Variants in GANAB observed in about 807,000 individuals in gnomAD.
The protein encoded by GANAB is glucosidase II alpha subunit.
In GANAB, 35 loss-of-function variants were observed where a neutral mutation model predicts 129.9. The ratio of observed to expected loss-of-function variants is 0.27; its 90% CI spans 0.21 to 0.36. GANAB has a LOEUF of 0.36. Among genes scored for constraint, GANAB ranks in the 10% least tolerant of loss-of-function variants. The pLI is 1.00. For missense variants in GANAB, 939 were observed against 1,221.0 expected, an observed-to-expected ratio of 0.77 and a Z score of 3.44; for synonymous variants, 482 against 451.8, an observed-to-expected ratio of 1.07 and a Z score of -0.85.
chr11:62,639,665 T>C lies in GANAB; in HGVS notation c.105A>G (p.Arg35=), dbSNP rs770061145. The C allele has an allele frequency of 7.4e-6, 12 of 1,613,848 alleles. No homozygotes were observed. The highest frequency in any genetic ancestry group is 1.0e-5 in the Non-Finnish European group (12 of 1,179,822). ...TCTCTTCACAGGTCTTAAAGTTGCT[T>C]CTATCCACAGCAAGGGTAATCCCCA... ...VCLGITLAVD[R]SNFKTCEESS... Residue 35 remains arginine (R), a synonymous_variant, in exon 2 of 24, where the codon AGA becomes AGG. Transcript: ENST00000356638.
chr11:62,646,443 A>G, intron 1 of GANAB, 119 bp downstream of exon 1: 1 of 1,182,402 alleles, frequency 8.5e-7, no homozygotes, highest in Non-Finnish European at 1.2e-6. Context: ...CCAGAGGAAC[A>G]AAGGTTCCTC....
At chr11:62,643,364 G>C (rs764956506) in intron 1 of GANAB, among the ~76,000 whole-genome samples, 2 of 152,088 alleles carry the variant, frequency 1.3e-5, no homozygotes, top group Non-Finnish European at 2.9e-5. Context: ...TAGGCCGGGC[G>C]TGGTGGCTCA....
At chr11:62,629,318 A>T in intron 15 of GANAB, 23 bp from the exon 16 acceptor site, 1 of 1,508,928 alleles carries the variant, frequency 6.6e-7, no homozygotes, top group East Asian at 2.3e-5. Context: ...AGAAGTGGGG[A>T]GCTTGCACAT....
In GANAB at chr11:62,624,909, C is replaced by A; in HGVS notation, c.*906G>T. ...AACCAAGAGGAAGTAAAAAAAATACCCACAAATATTCCCCGACTCCCCATT... is the reference window on the plus strand; with the variant it reads ...AACCAAGAGGAAGTAAAAAAAATACACACAAATATTCCCCGACTCCCCATT... On this transcript the variant is annotated 3_prime_UTR_variant, in exon 24 of 24. Transcript: ENST00000356638. 7.8e-6 allele frequency: 2 copies of A among 256,170 alleles called. No individual in the cohort carries two copies. The highest frequency in any genetic ancestry group is 1.5e-5 in the Non-Finnish European group (2 of 130,262). 15.9% of individuals were successfully genotyped at this position (256,170 alleles called of 1,614,324 possible). A position where few individuals can be genotyped will look rare whatever the true frequency, so the allele number is the denominator to read the frequency against.
Position 62,630,828 on chromosome 11 carries a change from C to A in GANAB, c.1159G>T (p.Ala387Ser). The A allele has an allele frequency of 6.2e-7, 1 of 1,612,636 alleles. No homozygotes were observed. Among genetic ancestry groups the A allele is most frequent in the Non-Finnish European group, 8.5e-7 (1 of 1,179,102 alleles). ...CCGAGGGAGAAGAGTGGGGGCAACG[C>A]CTGGGTTCCTGCAGGTTCATGAGGG... Reference protein sequence around the residue: ...RQYASLTGTQALPPLFSLGYH... With the variant: ...RQYASLTGTQSLPPLFSLGYH... The change falls in exon 11 of 24, where the codon GCG becomes TCG. Residue 387 changes from alanine (A) to serine (S), a missense_variant. Ala to Ser is a moderately conservative substitution (Grantham distance 99). Coordinates refer to ENST00000356638, the MANE Select transcript of GANAB (RefSeq NM_198334.3).
At chr11:62,646,500 G>T in intron 1 of GANAB, 62 bp downstream of exon 1, 2 of 1,561,690 alleles carry the variant, frequency 1.3e-6, no homozygotes, top group Non-Finnish European at 1.8e-6. Flanking sequence ...AGGAAGGAGT[G>T]GAATGGGACT....
rs201924622 is a variant in GANAB, at chr11:62,630,994, A to G, written c.1150+36T>C. On this transcript the variant is annotated intron_variant, in intron 10 of 23. Transcript: ENST00000356638. ...AAACACATAGAATCACCCGACAAGA[A>G]AAGAGCAGAAGAATGAGGCAGGGAA... The G allele has an allele frequency of 8.3e-5, 131 of 1,581,182 alleles. No individual in the cohort carries two copies. The East Asian group carries it at 2.9e-3, about 35-fold the overall frequency.
chr11:62,642,268 T>C (rs1944305108), intron 1 of GANAB, among the ~76,000 whole-genome samples: 1 of 152,092 alleles, frequency 6.6e-6, no homozygotes, highest in Non-Finnish European at 1.5e-5. Flanking sequence ...TTGCCCAGGC[T>C]GGTCTTAAAC....
chr11:62,630,039 G>A, intron 13 of GANAB, 82 bp from the exon 14 acceptor site: 1 of 1,492,300 alleles, frequency 6.7e-7, no homozygotes, highest in Non-Finnish European at 9.3e-7. Context: ...GAGCTCCTAG[G>A]AATCTAAAAA....
chr11:62,626,072 C>T lies in GANAB; in HGVS notation c.2718G>A (p.Gln906=). 1 of 1,611,436 alleles carries T rather than the reference C, an allele frequency of 6.2e-7. No individual in the cohort carries two copies. The highest frequency in any genetic ancestry group is 1.1e-5 in the South Asian group (1 of 91,030). Residue 906 remains glutamine, a synonymous_variant, in exon 23 of 24, where the codon CAG becomes CAA. Coordinates refer to ENST00000356638, the MANE Select transcript of GANAB (RefSeq NM_198334.3). ...GAGKPAAVVL[Q]TKGSPESRLS... The stretch of plus-strand genomic sequence containing the variant: ...GCCAGATTGGTCACTCACCTTTTGT[C>T]TGGAGTACCACAGCTGCTGGCTTTC...
At chr11:62,626,281 C>A (rs1943369630) in intron 22 of GANAB, 54 bp downstream of exon 22, 8 of 1,372,220 alleles carry the variant, frequency 5.8e-6, no homozygotes, top group South Asian at 1.2e-5. Context: ...TGGGAGCCCC[C>A]ACAAGGATCA....
rs1225008024 is a variant in GANAB, at chr11:62,626,129, G to A, written c.2661C>T (p.Ile887=). The change falls in exon 23 of 24, where the codon ATC becomes ATT. Residue 887 remains isoleucine (I), a synonymous_variant. Transcript: ENST00000356638. ...ADPEGHFETP[I]WIERVVIIGA... ...CTATTATCACCACCCGCTCAATCCA[G>A]ATTGGTGTCTCAAAGTGTCCTTCAG... The A allele has an allele frequency of 6.2e-7, 1 of 1,613,756 alleles. No homozygotes were observed. Among genetic ancestry groups the A allele is most frequent in the Admixed American group, 1.7e-5 (1 of 60,008 alleles).
Position 62,626,924 on chromosome 11 carries a change from T to C in GANAB, c.2333A>G (p.Asp778Gly), listed in dbSNP as rs778351904. 6.2e-7 allele frequency: 1 copy of C among 1,611,538 alleles called. No individual in the cohort carries two copies. The highest frequency in any genetic ancestry group is 1.7e-5 in the Admixed American group (1 of 59,992). The change falls in exon 20 of 24, where the codon GAC becomes GGC. Residue 778 changes from aspartate to glycine, a missense_variant. This residue lies in a region of GANAB where 230 missense variants were observed against 259.9 expected (regional missense o/e 0.89). Transcript: ENST00000356638. Reference sequence around the variant, plus strand: ...ATGATGCTTCTGGTAGCTTTGAATGTCATACCACACCTGTGAGTGACAAAA... The same window carrying C: ...ATGATGCTTCTGGTAGCTTTGAATGCCATACCACACCTGTGAGTGACAAAA... ...YLPGQGEVWYDIQSYQKHHGP... is the reference protein window; with the variant it reads ...YLPGQGEVWYGIQSYQKHHGP...
chr11:62,633,594 G>A, intron 5 of GANAB, 80 bp from the exon 6 acceptor site: 1 of 1,253,310 alleles, frequency 8.0e-7, no homozygotes. Flanking sequence ...TTGGGGAATA[G>A]AGAGCCAAGG....
intron 4 of GANAB, among the ~76,000 whole-genome samples, 174 bp downstream of exon 4, chr11:62,638,809 G>T (rs1465807359): frequency 1.3e-5 from 2 of 152,118 alleles, no homozygotes; most frequent in Non-Finnish European, 2.9e-5. Context: ...AGGATAAAGG[G>T]ATAAAGAGAA....
In GANAB at chr11:62,639,680, G is replaced by A. The variant is rs1223110182; in HGVS notation, c.90C>T (p.Thr30=). The A allele has an allele frequency of 6.2e-7, 1 of 1,613,752 alleles. No homozygotes were observed. Among genetic ancestry groups the A allele is most frequent in the Non-Finnish European group, 8.5e-7 (1 of 1,179,924 alleles). The stretch of plus-strand genomic sequence containing the variant: ...TAAAGTTGCTTCTATCCACAGCAAG[G>A]GTAATCCCCAGGCAGACCCCTAAAA... The part of the protein sequence containing the change: ...LAFLGVCLGI[T]LAVDRSNFKT... The change falls in exon 2 of 24, where the codon ACC becomes ACT. Residue 30 remains threonine, a synonymous_variant. Coordinates refer to ENST00000356638, the MANE Select transcript of GANAB (RefSeq NM_198334.3).
rs796350710 is a variant in GANAB, at chr11:62,635,189, C to T, written c.381-189G>A. On this transcript the variant is annotated intron_variant, in intron 4 of 23. Coordinates refer to ENST00000356638, the MANE Select transcript of GANAB (RefSeq NM_198334.3). Reference sequence around the variant, plus strand: ...ACCCAAGCATATTTATTACTTTTTTCTTTTTTTTTTTTGAGACGGAGTTTC... The same window carrying T: ...ACCCAAGCATATTTATTACTTTTTTTTTTTTTTTTTTTGAGACGGAGTTTC... Among the ~76,000 whole-genome samples, 1,877 of 145,278 alleles carry T rather than the reference C, an allele frequency of 0.013. 38 individuals carry two copies. Among genetic ancestry groups the T allele is most frequent in the African/African-American group, 0.045 (1,785 of 39,768 alleles).
At chr11:62,629,771 T>C (rs1456683238) in intron 14 of GANAB, 43 bp downstream of exon 14, 9 of 1,612,012 alleles carry the variant, frequency 5.6e-6, no homozygotes, top group East Asian at 4.5e-5. Context: ...GTCTCTGGGC[T>C]GTTTTCCCTC....
chr11:62,634,805 C>G lies in GANAB; in HGVS notation c.560+16G>C, dbSNP rs774093621. ...TTTCACACTAGGTTCCCTGCAGTCCCAACCCCTGTACTCACGAGACCCTAG... is the reference window on the plus strand; with the variant it reads ...TTTCACACTAGGTTCCCTGCAGTCCGAACCCCTGTACTCACGAGACCCTAG... On this transcript the variant is annotated intron_variant, in intron 5 of 23. Coordinates refer to ENST00000356638, the MANE Select transcript of GANAB (RefSeq NM_198334.3). 1 of 1,605,216 alleles carries G rather than the reference C, an allele frequency of 6.2e-7. No individual in the cohort carries two copies. Among genetic ancestry groups the G allele is most frequent in the Non-Finnish European group, 8.5e-7 (1 of 1,172,616 alleles).
Sources: gnomAD v4.1 joint callset for allele counts (sites outside exome capture counted in the v4.1 genomes callset) on GRCh38, gnomAD v4.1.1 for gene constraint, gnomAD v4.1.1 regional missense constraint, MANE v1.5 for transcripts, NCBI Gene and HGNC (gene_info 2026-07-23, HGNC 2026-07-21) for gene names.